The following PAMR1 variants were observed in gnomAD, a reference collection of about 807,000 sequenced individuals.
The protein encoded by PAMR1 is peptidase domain containing associated with muscle regeneration 1.
A neutral mutation model predicts 81.8 loss-of-function variants in PAMR1; 88 were observed. The observed-to-expected ratio is 1.08, with a 90% CI of 0.91 to 1.28. The LOEUF (loss-of-function observed/expected upper bound fraction) is 1.28, where lower values mean the gene tolerates loss of function less well. PAMR1 is among the 50% of genes most tolerant of loss of function. The probability of loss-of-function intolerance (pLI) is 0.00; values close to 1 mark genes in which losing one functional copy is unlikely to be tolerated. For missense variants in PAMR1, 935 were observed against 919.7 expected (o/e 1.02, Z -0.21); for synonymous variants, 336 against 345.3 (o/e 0.97, Z 0.30).
chr11:35,466,127 T>A (rs1412775550), intron 6 of PAMR1, among the ~76,000 whole-genome samples: 1 of 152,180 alleles, frequency 6.6e-6, no homozygotes, highest in Non-Finnish European at 1.5e-5. Context: ...AAATTAAGCC[T>A]TCCCTCTTTT....
chr11:35,506,468 C>A (rs1850958545), intron 1 of PAMR1, among the ~76,000 whole-genome samples: 2 of 147,454 alleles, frequency 1.4e-5, no homozygotes, highest in African/African-American at 5.0e-5. Context: ...CTTCTCTTAG[C>A]ATTTCTTGTA....
At chr11:35,510,240 T>TC (rs1351566767) in intron 1 of PAMR1, among the ~76,000 whole-genome samples, 19 of 152,054 alleles carry the variant, frequency 1.2e-4, no homozygotes, top group Admixed American at 1.2e-3. Flanking sequence ...ATTATCAACA[T>TC]CCCCACTAGA....
intron 1 of PAMR1, among the ~76,000 whole-genome samples, chr11:35,522,048 G>A (rs957815944): frequency 3.9e-5 from 6 of 151,908 alleles, no homozygotes; most frequent in African/African-American, 9.7e-5. Context: ...TCAGCCTCCC[G>A]AGTAGCTGGG....
chr11:35,461,251 C>T (rs7947578), intron 6 of PAMR1, among the ~76,000 whole-genome samples: 49,307 of 152,064 alleles, frequency 0.32, 8,040 homozygotes, highest in Admixed American at 0.41. Flanking sequence ...GCAAGCAAAG[C>T]GTAAGCAAAG....
chr11:35,512,475 T>C (rs1266762763), intron 1 of PAMR1, among the ~76,000 whole-genome samples: 2 of 152,126 alleles, frequency 1.3e-5, no homozygotes, highest in Admixed American at 6.6e-5. Context: ...AACACAATAA[T>C]TGGTTCCTGA....
chr11:35,432,709 G>A lies in PAMR1; in HGVS notation c.1810C>T (p.Leu604=), dbSNP rs1265391544. 2 of 1,613,962 alleles carry A rather than the reference G, an allele frequency of 1.2e-6. No homozygotes were observed. Among genetic ancestry groups the A allele is most frequent in the Admixed American group, 1.7e-5 (1 of 60,026 alleles). ...SHITVAGWNV[L]ADVRSPGFKN... ...AAGCCAGGGCTCCTCACGTCTGCCA[G>A]GACATTCCAGCCAGCCACAGTGATG... The change falls in exon 11 of 11, where the codon CTG becomes TTG. Residue 604 remains leucine (L), a synonymous_variant. Transcript: ENST00000619888.
chr11:35,467,582 T>A (rs1470362030), intron 6 of PAMR1, among the ~76,000 whole-genome samples: 2 of 152,198 alleles, frequency 1.3e-5, no homozygotes, highest in African/African-American at 4.8e-5. Context: ...CCACCCTCAT[T>A]GCAGGGCTTC....
At chr11:35,487,349 C>G (rs1221942960) in intron 3 of PAMR1, among the ~76,000 whole-genome samples, 1 of 152,118 alleles carries the variant, frequency 6.6e-6, no homozygotes, top group Non-Finnish European at 1.5e-5. Context: ...CCTGCTTTTC[C>G]ACTTAAGACC....
At chr11:35,447,153 C>T (rs770572624) in intron 6 of PAMR1, among the ~76,000 whole-genome samples, 16 of 151,594 alleles carry the variant, frequency 1.1e-4, no homozygotes, top group Admixed American at 2.0e-4. Flanking sequence ...GCATTGCAGC[C>T]CCTGCTTTTT....
chr11:35,508,515 C>CTT (rs1851013668), intron 1 of PAMR1, among the ~76,000 whole-genome samples: 21 of 76,136 alleles, frequency 2.8e-4, no homozygotes, highest in Non-Finnish European at 4.0e-4. Context: ...CAGGAACCTC[C>CTT]ATTTTTTTTT....
chr11:35,491,985 G>T (rs961828123), intron 3 of PAMR1, 60 bp downstream of exon 3: 2 of 1,464,918 alleles, frequency 1.4e-6, no homozygotes, highest in African/African-American at 1.4e-5. Flanking sequence ...TTGGTCCATT[G>T]TAAGCTGAGA....
chr11:35,441,487 T>G lies in PAMR1; in HGVS notation c.1027A>C (p.Ile343Leu), dbSNP rs751881828. ...AGAAACAATTGTAAGTTACCTTTTA[T>G]GCAGATGGGCTGTTTCCCTGACCAC... ...GEWSGKQPIC[I>L]KACREPKISD... The change falls in exon 7 of 11, where the codon ATA (isoleucine) becomes CTA (leucine). Residue 343 changes from isoleucine (I) to leucine (L), a missense_variant. Coordinates refer to ENST00000619888, the MANE Select transcript of PAMR1 (RefSeq NM_001001991.3). 2 of 1,609,834 alleles carry G rather than the reference T, an allele frequency of 1.2e-6. No homozygotes were observed. Among genetic ancestry groups the G allele is most frequent in the South Asian group, 1.1e-5 (1 of 90,938 alleles).
Position 35,432,772 on chromosome 11 carries a change from C to A in PAMR1, c.1747G>T (p.Ala583Ser). The A allele has an allele frequency of 6.2e-7, 1 of 1,613,004 alleles. No individual in the cohort carries two copies. The highest frequency in any genetic ancestry group is 1.1e-5 in the South Asian group (1 of 91,084). Residue 583 changes from alanine (A) to serine (S), a missense_variant, in exon 11 of 11, where the codon GCC (alanine) becomes TCC (serine). Physicochemically the swap from Ala to Ser is moderately conservative, Grantham distance 99 (BLOSUM62 1). Transcript: ENST00000619888. ...AAGGAAGTGCTGAGATCCCGACTGG[C>A]AGCGAGGCAGATGGGCTGGACTCGG... ...STRVQPICLA[A>S]SRDLSTSFQE...
intron 1 of PAMR1, 61 bp downstream of exon 1, chr11:35,525,452 G>A: frequency 7.0e-7 from 1 of 1,419,954 alleles, no homozygotes; most frequent in Non-Finnish European, 9.9e-7. Context: ...GCAGACCCCA[G>A]GAGGAAAATG....
chr11:35,492,001 A>C, intron 3 of PAMR1, 44 bp downstream of exon 3: 1 of 1,550,584 alleles, frequency 6.4e-7, no homozygotes, highest in Non-Finnish European at 8.7e-7. Context: ...TGAGACTTTA[A>C]GACAGTGTGC....
chr11:35,435,760 A>C, intron 9 of PAMR1, 143 bp downstream of exon 9: 1 of 634,730 alleles, frequency 1.6e-6, no homozygotes, highest in Non-Finnish European at 2.8e-6. Flanking sequence ...AAGGAAAAAA[A>C]AAGCTCTAAC....
In PAMR1 at chr11:35,506,600, T is replaced by C. The variant is rs1232113768; in HGVS notation, c.74-12328A>G. Among the ~76,000 whole-genome samples the C allele has an allele frequency of 1.3e-5, 2 of 152,026 alleles. 1 individual carries two copies. The highest frequency in any genetic ancestry group is 4.1e-4 in the South Asian group (2 of 4,820). On this transcript the variant is annotated intron_variant, in intron 1 of 10. Coordinates refer to ENST00000619888, the MANE Select transcript of PAMR1 (RefSeq NM_001001991.3). ...TATTCTTGGGTGGCAGGGTTTGTTTTTTTTTCAGCACTTTGAACATGTTGT... is the reference window on the plus strand; with the variant it reads ...TATTCTTGGGTGGCAGGGTTTGTTTCTTTTTCAGCACTTTGAACATGTTGT...
chr11:35,505,262 A>G (rs1186725724), intron 1 of PAMR1, among the ~76,000 whole-genome samples: 1 of 151,986 alleles, frequency 6.6e-6, no homozygotes, highest in Admixed American at 6.6e-5. Context: ...GAGTTGCTTT[A>G]TGGTCTATTC....
chr11:35,481,827 T>C (rs1350366834), intron 3 of PAMR1, among the ~76,000 whole-genome samples: 1 of 152,188 alleles, frequency 6.6e-6, no homozygotes, highest in African/African-American at 2.4e-5. Context: ...TGGCCATAAA[T>C]GTCTTCTTTT....
Sources: allele counts gnomAD v4.1 joint callset (sites outside exome capture counted in the v4.1 genomes callset), GRCh38; gene constraint gnomAD v4.1.1; transcripts MANE v1.5; gene names NCBI Gene and HGNC (gene_info 2026-07-23, HGNC 2026-07-21).